Variants in ALPL observed in about 807,000 individuals in gnomAD.
ALPL encodes the protein alkaline phosphatase, tissue-nonspecific isozyme.
Under a neutral mutation model 51.3 loss-of-function variants are expected in ALPL, and 42 were observed. The observed-to-expected ratio is 0.82, with a 90% confidence interval of 0.64 to 1.06. ALPL has a LOEUF of 1.06. ALPL is among the 50% of genes least tolerant of loss of function. The pLI, the probability that ALPL is intolerant of heterozygous loss-of-function variation, is 0.00. For missense variants in ALPL, 589 were observed against 709.4 expected, an observed-to-expected ratio of 0.83 and a Z score of 1.93; for synonymous variants, 279 against 296.4, an observed-to-expected ratio of 0.94 and a Z score of 0.60.
chr1:21,571,473 C>T (rs971225246), intron 8 of ALPL, among the ~76,000 whole-genome samples: 1 of 150,324 alleles, frequency 6.7e-6, no homozygotes, highest in East Asian at 2.0e-4. Context: ...GAGATTGAGA[C>T]CATCCTGGCT....
intron 2 of ALPL, among the ~76,000 whole-genome samples, chr1:21,558,215 C>T (rs1465753166): frequency 4.6e-5 from 7 of 152,182 alleles, no homozygotes; most frequent in Non-Finnish European, 7.4e-5. Flanking sequence ...AAGCACTCAA[C>T]GGAGCAGGGG....
chr1:21,551,963 G>T (rs1644330889), intron 1 of ALPL, among the ~76,000 whole-genome samples: 1 of 150,308 alleles, frequency 6.7e-6, no homozygotes, highest in Non-Finnish European at 1.5e-5. Flanking sequence ...CTGACTTCGT[G>T]ATCCGCCCGC....
chr1:21,533,924 C>CA (rs760101424), intron 1 of ALPL, among the ~76,000 whole-genome samples: 118 of 127,454 alleles, frequency 9.3e-4, no homozygotes, highest in Non-Finnish European at 1.4e-3. Flanking sequence ...ACTCTTGTCT[C>CA]AAAAAAAAAA....
rs2148183895 is a variant in ALPL at position 21,573,569 on chromosome 1, G to A, written c.863-96G>A. 3.3e-6 allele frequency: 5 copies of A among 1,498,622 alleles called. No individual in the cohort carries two copies. In the South Asian group the frequency reaches 4.8e-5, roughly 14 times the overall value. The allele number at this position is 1,498,622 out of a possible 1,614,324, so 92.8% of individuals were successfully genotyped here. ...ATACTCTACCCCAAGCTGGCTGTGG[G>A]GAGCCTGCATTCCCTGAGACACCCC... On this transcript the variant is annotated intron_variant, in intron 8 of 11. Transcript: ENST00000374840.
At chr1:21,572,560 AG>A (rs1644664589) in intron 8 of ALPL, among the ~76,000 whole-genome samples, 2 of 152,182 alleles carry the variant, frequency 1.3e-5, no homozygotes, top group Admixed American at 1.3e-4. Context: ...TCCAGGGGGC[AG>A]GGGTTATTGG....
intron 1 of ALPL, among the ~76,000 whole-genome samples, chr1:21,548,511 T>C (rs1288176877): frequency 4.6e-5 from 7 of 152,202 alleles, no homozygotes; most frequent in African/African-American, 1.7e-4. Context: ...TGTTGGTCTT[T>C]ACGTTCACAG....
At chr1:21,570,516 C>G in intron 8 of ALPL, 142 bp downstream of exon 8, 1 of 817,526 alleles carries the variant, frequency 1.2e-6, no homozygotes, top group South Asian at 1.6e-5. Flanking sequence ...CTGGGAGAGG[C>G]AAGGAAGGGG....
At chr1:21,563,891 C>T (rs559384541) in intron 5 of ALPL, 150 bp from the exon 6 acceptor site, 1 of 1,010,880 alleles carries the variant, frequency 9.9e-7, no homozygotes, top group African/African-American at 1.6e-5. Flanking sequence ...TGCCAGACAC[C>T]TGCTGCTGTG....
At chr1:21,529,948 T>G (rs1296371082) in intron 1 of ALPL, among the ~76,000 whole-genome samples, 1 of 152,162 alleles carries the variant, frequency 6.6e-6, no homozygotes. Context: ...ATTTTTTTTG[T>G]ATTTTTTGTA....
At chr1:21,510,146 G>A (rs1426800260) in intron 1 of ALPL, among the ~76,000 whole-genome samples, 4 of 152,228 alleles carry the variant, frequency 2.6e-5, no homozygotes, top group Admixed American at 2.6e-4. Flanking sequence ...TGGAGCCCGC[G>A]AAGCCGAAGG....
intron 9 of ALPL, 98 bp from the exon 10 acceptor site, chr1:21,575,635 T>C: frequency 6.8e-7 from 1 of 1,469,226 alleles, no homozygotes; most frequent in Non-Finnish European, 9.5e-7. Context: ...TGTCCTTCCC[T>C]AGCTAACAAA....
chr1:21,565,623 G>T (rs568746548), intron 6 of ALPL, among the ~76,000 whole-genome samples: 3 of 151,796 alleles, frequency 2.0e-5, no homozygotes, highest in African/African-American at 2.4e-5. Flanking sequence ...GAGGAGGGGG[G>T]GCCGCAGGGG....
chr1:21,558,365 G>A (rs1644440218), intron 2 of ALPL, among the ~76,000 whole-genome samples: 1 of 144,348 alleles, frequency 6.9e-6, no homozygotes, highest in African/African-American at 2.5e-5. Context: ...TCACCACCCA[G>A]TGGCACCCAA....
chr1:21,524,647 A>C (rs995095182), intron 1 of ALPL, among the ~76,000 whole-genome samples: 2 of 152,184 alleles, frequency 1.3e-5, no homozygotes, highest in Non-Finnish European at 2.9e-5. Context: ...TGAGTACTAG[A>C]TAATTCTCTG....
At chr1:21,545,603 G>C (rs1644244865) in intron 1 of ALPL, among the ~76,000 whole-genome samples, 1 of 151,656 alleles carries the variant, frequency 6.6e-6, no homozygotes, top group Non-Finnish European at 1.5e-5. Flanking sequence ...CAATTACCAA[G>C]TTTTAGCCAA....
chr1:21,519,296 C>T (rs540498924), intron 1 of ALPL, among the ~76,000 whole-genome samples: 1 of 152,242 alleles, frequency 6.6e-6, no homozygotes, highest in Non-Finnish European at 1.5e-5. Context: ...CTGGTACAGT[C>T]TAGCTTAGTT....
intron 2 of ALPL, among the ~76,000 whole-genome samples, chr1:21,558,026 C>T (rs948026011): frequency 1.3e-5 from 2 of 152,318 alleles, no homozygotes; most frequent in African/African-American, 2.4e-5. Context: ...GGCATTCTAT[C>T]GTGAGCATTA....
chr1:21,553,851 C>T (rs1644363579), intron 1 of ALPL, 127 bp from the exon 2 acceptor site: 1 of 566,784 alleles, frequency 1.8e-6, no homozygotes, highest in Admixed American at 2.6e-5. Flanking sequence ...TGTTGAGCCC[C>T]ATGCCTGGTC....
In ALPL at chr1:21,578,048, T is replaced by G. The variant is rs1355376504; in HGVS notation, c.*400T>G. 2.3e-5 allele frequency: 6 copies of G among 260,480 alleles called. No individual in the cohort carries two copies. Among genetic ancestry groups the G allele is most frequent in the Non-Finnish European group, 4.5e-5 (6 of 133,402 alleles). The allele number at this position is 260,480 out of a possible 1,614,324, so 16.1% of individuals were successfully genotyped here. ...TCATCTCCTGACCCTCCCACTCCCA[T>G]CTCCTTACCTCTGGAACCCCCCAGG... On this transcript the variant is annotated 3_prime_UTR_variant, in exon 12 of 12. Transcript: ENST00000374840. This position sits in a 1 kb window ranked among gnomAD's most constrained non-coding sequence, Gnocchi z 4.2.
Sources: gnomAD v4.1 joint callset for allele counts (sites outside exome capture counted in the v4.1 genomes callset) on GRCh38, gnomAD v4.1.1 for gene constraint, Gnocchi (gnomAD v3.1) non-coding constraint, MANE v1.5 for transcripts, NCBI Gene and HGNC (gene_info 2026-07-23, HGNC 2026-07-21) for gene names.